Variants in SBF2 observed in about 807,000 individuals in gnomAD.
The protein encoded by SBF2 is myotubularin-related protein 13.
Under a neutral mutation model 225.2 loss-of-function variants are expected in SBF2, and 112 were observed. The observed-to-expected ratio is 0.50, with a 90% CI of 0.43 to 0.58. The LOEUF (loss-of-function observed/expected upper bound fraction) is 0.58. SBF2 is among the 20% of genes least tolerant of loss of function. The probability of loss-of-function intolerance (pLI) is 0.00; values close to 1 mark genes in which losing one functional copy is unlikely to be tolerated. For synonymous variants in SBF2, 763 were observed against 773.3 expected, an observed-to-expected ratio of 0.99 and a Z score of 0.22; for missense variants, 1,996 against 2,206.2, an observed-to-expected ratio of 0.90 and a Z score of 1.91.
intron 16 of SBF2, among the ~76,000 whole-genome samples, chr11:9,897,354 C>T (rs1861347036): frequency 6.6e-6 from 1 of 152,044 alleles, no homozygotes; most frequent in Non-Finnish European, 1.5e-5. Flanking sequence ...TCTCATGCTT[C>T]AGCCTCCCGA....
chr11:9,817,455 C>A (rs1854512001), intron 28 of SBF2, among the ~76,000 whole-genome samples: 1 of 152,006 alleles, frequency 6.6e-6, no homozygotes, highest in South Asian at 2.1e-4. Flanking sequence ...CTTATTTGGT[C>A]AATTTAACAT....
At chr11:10,236,649 G>A (rs1199971751) in intron 1 of SBF2, among the ~76,000 whole-genome samples, 1 of 152,118 alleles carries the variant, frequency 6.6e-6, no homozygotes, top group Non-Finnish European at 1.5e-5. Context: ...TACTAGAGAT[G>A]GGATTTCACC....
intron 1 of SBF2, among the ~76,000 whole-genome samples, chr11:10,282,160 G>C (rs568731662): frequency 6.6e-6 from 1 of 152,166 alleles, no homozygotes; most frequent in Admixed American, 6.5e-5. Flanking sequence ...TTTGACATTT[G>C]TTATTTCCTC....
intron 1 of SBF2, among the ~76,000 whole-genome samples, chr11:10,266,516 G>A (rs941915496): frequency 6.6e-6 from 1 of 152,132 alleles, no homozygotes; most frequent in African/African-American, 2.4e-5. Flanking sequence ...GTTGAAGCTA[G>A]TAGCAAACTA....
At chr11:10,075,850 G>A (rs773742056) in intron 2 of SBF2, among the ~76,000 whole-genome samples, 3 of 151,884 alleles carry the variant, frequency 2.0e-5, no homozygotes, top group South Asian at 4.1e-4. Context: ...CCTCTAGCCT[G>A]AGACATAAAG....
chr11:10,187,607 T>C (rs1956984711), intron 2 of SBF2, among the ~76,000 whole-genome samples: 1 of 152,282 alleles, frequency 6.6e-6, no homozygotes, highest in South Asian at 2.1e-4. Flanking sequence ...ACTTTTTTTT[T>C]TTTTAATCAG....
At chr11:10,253,062 A>T (rs1168942720) in intron 1 of SBF2, among the ~76,000 whole-genome samples, 1 of 148,810 alleles carries the variant, frequency 6.7e-6, no homozygotes, top group African/African-American at 2.5e-5. Flanking sequence ...TTAAGTTTTA[A>T]CATGGGAAAA....
chr11:10,276,728 G>A (rs1473466310), intron 1 of SBF2, among the ~76,000 whole-genome samples: 2 of 152,056 alleles, frequency 1.3e-5, no homozygotes, highest in African/African-American at 4.8e-5. Flanking sequence ...GCAATAATGT[G>A]AACACACTCA....
At chr11:10,042,522 G>C (rs1051646926) in intron 3 of SBF2, among the ~76,000 whole-genome samples, 2 of 152,066 alleles carry the variant, frequency 1.3e-5, no homozygotes, top group African/African-American at 4.8e-5. Context: ...TTCTATGAAA[G>C]ACCTCCCAGG....
chr11:10,210,121 C>G (rs1957882716), intron 1 of SBF2, among the ~76,000 whole-genome samples: 1 of 152,046 alleles, frequency 6.6e-6, no homozygotes, highest in Non-Finnish European at 1.5e-5. Flanking sequence ...GCCCGGGCAA[C>G]ATGGCAAAAC....
At chr11:9,786,197 C>T (rs1041229441) in intron 36 of SBF2, among the ~76,000 whole-genome samples, 6 of 152,062 alleles carry the variant, frequency 3.9e-5, no homozygotes, top group Non-Finnish European at 8.8e-5. Flanking sequence ...TGGAAGGACA[C>T]GTATGCCAAC....
At chr11:10,212,015 C>T (rs775683146) in intron 1 of SBF2, among the ~76,000 whole-genome samples, 1 of 152,208 alleles carries the variant, frequency 6.6e-6, no homozygotes, top group African/African-American at 2.4e-5. Flanking sequence ...CCAGAGTTAG[C>T]AGGCTGAACC....
intron 1 of SBF2, among the ~76,000 whole-genome samples, chr11:10,231,760 C>T (rs1050578695): frequency 5.3e-5 from 8 of 152,194 alleles, no homozygotes; most frequent in African/African-American, 1.9e-4. Flanking sequence ...GGGTCAGGGA[C>T]CCACTTGAGG....
Position 9,963,869 on chromosome 11 carries a change from G to A in SBF2, c.1614C>T (p.Asp538=). ...PAGPPVVSIM[D]KVTTVFNSAQ... is the part of the protein sequence containing the mutation. ...CACTGTTGAAAACTGTCGTCACCTT[G>A]TCCATTATCGAAACTAGTAAAAGAA... is the stretch of plus-strand genomic sequence containing the variant. Residue 538 remains aspartate (D), a synonymous_variant, in exon 15 of 40, where the codon GAC becomes GAT. Transcript: ENST00000256190. 6.3e-7 allele frequency: 1 copy of A among 1,587,892 alleles called. No individual in the cohort carries two copies. Among genetic ancestry groups the A allele is most frequent in the Non-Finnish European group, 8.6e-7 (1 of 1,156,910 alleles).
chr11:10,170,297 A>AT (rs1011651265), intron 2 of SBF2, among the ~76,000 whole-genome samples: 10 of 151,878 alleles, frequency 6.6e-5, no homozygotes, highest in African/African-American at 1.7e-4. Flanking sequence ...TTTTGATGTG[A>AT]TTTTTTTTAT....
intron 1 of SBF2, among the ~76,000 whole-genome samples, chr11:10,266,707 C>T (rs1962026737): frequency 1.3e-5 from 2 of 152,196 alleles, no homozygotes. Context: ...ATGGTGATAA[C>T]AGAAGCTCCA....
At chr11:10,002,794 C>A (rs1948029906) in intron 6 of SBF2, 105 bp from the exon 7 acceptor site, 3 of 1,041,060 alleles carry the variant, frequency 2.9e-6, no homozygotes, top group Non-Finnish European at 4.5e-6. Context: ...ATTTTGGACT[C>A]TCTGAAGGAA....
intron 28 of SBF2, 66 bp from the exon 29 acceptor site, chr11:9,817,090 A>G: frequency 6.5e-7 from 1 of 1,549,908 alleles, no homozygotes; most frequent in Non-Finnish European, 8.9e-7. Flanking sequence ...CTAAGGAAAA[A>G]GGTGCATGCT....
chr11:10,270,732 G>A (rs1019550364), intron 1 of SBF2, among the ~76,000 whole-genome samples: 3 of 152,020 alleles, frequency 2.0e-5, no homozygotes, highest in Non-Finnish European at 2.9e-5. Flanking sequence ...GGTGGCTCAC[G>A]CCTGTAATCC....
Sources: allele counts gnomAD v4.1 joint callset (sites outside exome capture counted in the v4.1 genomes callset), GRCh38; gene constraint gnomAD v4.1.1; transcripts MANE v1.5; gene names NCBI Gene and HGNC (gene_info 2026-07-23, HGNC 2026-07-21).